Variants in DRC9 observed in about 807,000 individuals in gnomAD.
The protein encoded by DRC9 is dynein regulatory complex protein 9.
At chr3:197,932,237 C>G in the DRC9 span, 5 of 1,613,330 alleles carry the variant, frequency 3.1e-6, no homozygotes, top group Non-Finnish European at 4.2e-6. Flanking sequence ...TTGCAGGAGA[C>G]TGTTGTAAGT....
chr3:197,913,947 C>T, the DRC9 span: 4 of 1,614,116 alleles, frequency 2.5e-6, no homozygotes, highest in Non-Finnish European at 3.4e-6. Context: ...CAATCTGCAG[C>T]TCGGTATTGG....
At chr3:197,926,408 TGAA>T in the DRC9 span, among the ~76,000 whole-genome samples, 5 of 152,160 alleles carry the variant, frequency 3.3e-5, no homozygotes, top group East Asian at 1.9e-4. Flanking sequence ...TGAGAAAAAG[TGAA>T]GAAGAGAAGG....
At chr3:197,951,325 A>T in the DRC9 span, 2 of 1,613,644 alleles carry the variant, frequency 1.2e-6, no homozygotes. Context: ...AGTTTATGAC[A>T]CTGGTAGGTT....
the DRC9 span, among the ~76,000 whole-genome samples, chr3:197,890,752 C>T: frequency 6.6e-6 from 1 of 152,232 alleles, no homozygotes; most frequent in African/African-American, 2.4e-5. Flanking sequence ...GCTACTTACA[C>T]ATCTGACTCC....
chr3:197,891,484 C>G, the DRC9 span: 1 of 1,605,774 alleles, frequency 6.2e-7, no homozygotes, highest in African/African-American at 1.3e-5. Context: ...TCCTGTTTTA[C>G]CTTCTTCTTG....
the DRC9 span, chr3:197,945,634 G>A: frequency 3.2e-6 from 5 of 1,584,174 alleles, no homozygotes; most frequent in Non-Finnish European, 2.6e-6. Flanking sequence ...CCATTCTTCT[G>A]TAGCTTCGTT....
At chr3:197,925,620 G>A in the DRC9 span, among the ~76,000 whole-genome samples, 2 of 139,266 alleles carry the variant, frequency 1.4e-5, no homozygotes, top group African/African-American at 5.4e-5. Context: ...ACGGAATCTC[G>A]CTCTGTCACC....
chr3:197,902,180 T>C, the DRC9 span, among the ~76,000 whole-genome samples: 1 of 152,224 alleles, frequency 6.6e-6, no homozygotes, highest in Non-Finnish European at 1.5e-5. Context: ...TGTTCCCTAA[T>C]GAGGTACGGC....
the DRC9 span, chr3:197,950,423 G>A: frequency 8.1e-6 from 7 of 864,958 alleles, no homozygotes; most frequent in Admixed American, 1.8e-4. Context: ...GGCTGCCCGG[G>A]TTATCCCAGT....
chr3:197,909,199 C>G, the DRC9 span, among the ~76,000 whole-genome samples: 14 of 152,248 alleles, frequency 9.2e-5, no homozygotes, highest in African/African-American at 3.1e-4. Context: ...GACTAAAACA[C>G]CAGAACAGTG....
At chr3:197,941,531 C>T in the DRC9 span, among the ~76,000 whole-genome samples, 1 of 87,058 alleles carries the variant, frequency 1.1e-5, no homozygotes, top group Non-Finnish European at 2.0e-5. Flanking sequence ...TTCTCTCTTT[C>T]TCTTTCTTTC....
the DRC9 span, chr3:197,944,082 G>A: frequency 5.0e-6 from 8 of 1,589,798 alleles, no homozygotes; most frequent in African/African-American, 1.4e-5. Context: ...AAATAAGTCA[G>A]CAACCAATAT....
chr3:197,935,636 C>G, the DRC9 span, among the ~76,000 whole-genome samples: 12 of 151,940 alleles, frequency 7.9e-5, no homozygotes, highest in Admixed American at 2.6e-4. Flanking sequence ...AAGCACGCCA[C>G]CACGCCCAGC....
chr3:197,933,079 AAATACATATATTATACATATATATATAT>A, the DRC9 span, among the ~76,000 whole-genome samples: 8 of 131,682 alleles, frequency 6.1e-5, no homozygotes, highest in Non-Finnish European at 1.1e-4. Context: ...TATATATATA[AAATACATATATTATACATATATATATAT>A]AAAATACATA....
At chr3:197,950,106 T>G in the DRC9 span, 2 of 1,231,146 alleles carry the variant, frequency 1.6e-6, no homozygotes, top group Non-Finnish European at 2.0e-6. Flanking sequence ...AGGATTGTTT[T>G]TCTGGCGTTT....
the DRC9 span, among the ~76,000 whole-genome samples, chr3:197,929,071 T>C: frequency 3.9e-5 from 6 of 152,184 alleles, no homozygotes; most frequent in Admixed American, 6.5e-5. This position sits in a 1 kb window ranked among gnomAD's most constrained non-coding sequence, Gnocchi z 4.6. Flanking sequence ...CCTGGAATGG[T>C]TGAACCAAGG....
chr3:197,901,062 CTCTG>C, the DRC9 span, among the ~76,000 whole-genome samples: 1 of 152,178 alleles, frequency 6.6e-6, no homozygotes, highest in Admixed American at 6.5e-5. The surrounding 1 kb of genome is among the most constrained non-coding windows in gnomAD (Gnocchi z 4.4). Context: ...TAAAAGGGGA[CTCTG>C]TCTTACACCC....
At chr3:197,913,675 A>G in the DRC9 span, 1 of 638,576 alleles carries the variant, frequency 1.6e-6, no homozygotes. Flanking sequence ...ATGAGGCGGG[A>G]GATGGAGGCT....
At chr3:197,950,645 C>T in the DRC9 span, 2 of 476,894 alleles carry the variant, frequency 4.2e-6, no homozygotes, top group East Asian at 7.4e-5. Flanking sequence ...CTGAGTGTTG[C>T]CTACTGATAA....
Sources: gnomAD v4.1 joint callset for allele counts (sites outside exome capture counted in the v4.1 genomes callset) on GRCh38, gnomAD v4.1.1 for gene constraint, Gnocchi (gnomAD v3.1) non-coding constraint, MANE v1.5 for transcripts, NCBI Gene and HGNC (gene_info 2026-07-23, HGNC 2026-07-21) for gene names.